LIMD1: variants seen among roughly 807,000 people sequenced by gnomAD.
LIMD1 encodes the protein LIM domain containing 1.
In LIMD1, 23 loss-of-function variants were observed where a neutral mutation model predicts 58.4. That is an observed-to-expected ratio of 0.39 (90% confidence interval 0.28 to 0.56). LIMD1 has a LOEUF of 0.56. Among genes scored for constraint, LIMD1 ranks in the 20% least tolerant of loss-of-function variants. LIMD1 has a pLI of 0.57. For missense variants in LIMD1, 838 were observed against 855.5 expected (o/e 0.98, Z 0.25); for synonymous variants, 334 against 345.5 (o/e 0.97, Z 0.37).
rs775846772 is a variant in LIMD1 at position 45,596,268 on chromosome 3, C to T, written c.1389C>T (p.His463=). 6.2e-7 allele frequency: 1 copy of T among 1,604,988 alleles called. No homozygotes were observed. Among genetic ancestry groups the T allele is most frequent in the Non-Finnish European group, 8.5e-7 (1 of 1,176,070 alleles). Residue 463 remains histidine, a synonymous_variant, in exon 1 of 8, where the codon CAC becomes CAT. Transcript: ENST00000273317. The part of the protein sequence containing the change: ...TQRLEREMDA[H]PKADYFGACV... ...GTCTGGAGCGAGAGATGGATGCTCA[C>T]CCGAAGGCTGATTACTTTGGTGAGT...
At chr3:45,602,082 G>A (rs1000640429) in intron 1 of LIMD1, among the ~76,000 whole-genome samples, 3 of 151,918 alleles carry the variant, frequency 2.0e-5, no homozygotes, top group African/African-American at 7.3e-5. Flanking sequence ...AGCTGGGACT[G>A]CAGGCGCCCG....
At chr3:45,638,393 C>T (rs1293670485) in intron 2 of LIMD1, among the ~76,000 whole-genome samples, 2 of 152,108 alleles carry the variant, frequency 1.3e-5, no homozygotes, top group Non-Finnish European at 2.9e-5. Context: ...GTCCTGTCAC[C>T]CACACAGTGA....
At chr3:45,610,274 C>A (rs1559514336) in intron 1 of LIMD1, among the ~76,000 whole-genome samples, 1 of 152,176 alleles carries the variant, frequency 6.6e-6, no homozygotes, top group African/African-American at 2.4e-5. Context: ...AGTGTCAGTG[C>A]CTTTAGCTGG....
chr3:45,624,439 G>A (rs373361710), intron 1 of LIMD1, among the ~76,000 whole-genome samples: 15 of 152,158 alleles, frequency 9.9e-5, no homozygotes, highest in Non-Finnish European at 2.1e-4. Flanking sequence ...CAGGCGCGGT[G>A]TCTCACGCCT....
chr3:45,629,470 AG>A (rs1210702642), intron 1 of LIMD1, among the ~76,000 whole-genome samples: 4 of 151,888 alleles, frequency 2.6e-5, no homozygotes, highest in African/African-American at 9.7e-5. Context: ...ATACAGAAGC[AG>A]GGAAGAGAAG....
At chr3:45,661,321 TGTGA>T (rs1697434428) in intron 2 of LIMD1, among the ~76,000 whole-genome samples, 1 of 152,224 alleles carries the variant, frequency 6.6e-6, no homozygotes, top group African/African-American at 2.4e-5. Flanking sequence ...TCATCATATA[TGTGA>T]GTGTGTTCAT....
intron 1 of LIMD1, among the ~76,000 whole-genome samples, chr3:45,621,297 A>G (rs957350030): frequency 5.9e-5 from 9 of 151,698 alleles, no homozygotes; most frequent in African/African-American, 1.7e-4. Context: ...TGGTGTGACC[A>G]TGGCTCACTG....
chr3:45,603,244 A>C (rs1020543510), intron 1 of LIMD1, among the ~76,000 whole-genome samples: 1 of 152,180 alleles, frequency 6.6e-6, no homozygotes, highest in Non-Finnish European at 1.5e-5. Flanking sequence ...CATTTTTCAC[A>C]TAAAAGGAAA....
intron 1 of LIMD1, among the ~76,000 whole-genome samples, chr3:45,620,960 T>C (rs1230182722): frequency 6.6e-6 from 1 of 152,238 alleles, no homozygotes; most frequent in Non-Finnish European, 1.5e-5. Context: ...TATGATGTAC[T>C]GAGGAGGGTA....
chr3:45,639,894 C>T (rs1559520436), intron 2 of LIMD1, among the ~76,000 whole-genome samples: 1 of 152,168 alleles, frequency 6.6e-6, no homozygotes, highest in Admixed American at 6.5e-5. Flanking sequence ...AAGTCCTGAC[C>T]TCAGGTGATC....
At chr3:45,612,014 G>A (rs1044190297) in intron 1 of LIMD1, among the ~76,000 whole-genome samples, 1 of 152,034 alleles carries the variant, frequency 6.6e-6, no homozygotes, top group Non-Finnish European at 1.5e-5. Flanking sequence ...AAAGGAGGTG[G>A]TGTTGAGGAA....
chr3:45,651,901 G>A (rs1701977779), intron 2 of LIMD1, among the ~76,000 whole-genome samples: 1 of 151,412 alleles, frequency 6.6e-6, no homozygotes, highest in Non-Finnish European at 1.5e-5. Context: ...CAAAGTGCTA[G>A]GATTATAGGC....
chr3:45,604,342 G>T lies in LIMD1; in HGVS notation c.1408+8055G>T, dbSNP rs139963897. Among the ~76,000 whole-genome samples the T allele has an allele frequency of 2.0e-5, 3 of 152,276 alleles. 1 individual carries two copies. In the South Asian group the frequency reaches 6.2e-4, roughly 32 times the overall value. On this transcript the variant is annotated intron_variant, in intron 1 of 7. Coordinates refer to ENST00000273317, the MANE Select transcript of LIMD1 (RefSeq NM_014240.3). ...TGACTACATCATGTGCCTCAGCCCC[G>T]TCCCTGCATGCCATCTCTCTCCACA...
chr3:45,623,150 T>A (rs1331926466), intron 1 of LIMD1, among the ~76,000 whole-genome samples: 1 of 152,204 alleles, frequency 6.6e-6, no homozygotes, highest in African/African-American at 2.4e-5. Flanking sequence ...TGCATGTGAC[T>A]CCTAGCAAGG....
chr3:45,636,530 G>GT (rs1428943065), intron 2 of LIMD1, among the ~76,000 whole-genome samples: 2 of 152,168 alleles, frequency 1.3e-5, no homozygotes, highest in Non-Finnish European at 2.9e-5. Flanking sequence ...TTTGAAATAT[G>GT]TAAGAAGAGG....
At chr3:45,608,088 A>T (rs1385035251) in intron 1 of LIMD1, among the ~76,000 whole-genome samples, 1 of 152,238 alleles carries the variant, frequency 6.6e-6, no homozygotes, top group Non-Finnish European at 1.5e-5. Context: ...GTTCCAGGGC[A>T]TTTGCTGACA....
At chr3:45,667,059 C>G (rs1697529968) in intron 3 of LIMD1, among the ~76,000 whole-genome samples, 1 of 152,200 alleles carries the variant, frequency 6.6e-6, no homozygotes, top group African/African-American at 2.4e-5. Flanking sequence ...GGCCGTGTAT[C>G]TCAGTGTTAG....
Position 45,594,992 on chromosome 3 carries a change from AC to A in LIMD1, c.117del (p.Glu40SerfsTer58). ...LFRVDKGAGN[N>X]PEFEETRRVF... ...CGAGTGGACAAGGGTGCAGGCAACA[AC>A]CCCGAGTTTGAGGAAACTCGCAGGG... On this transcript the variant is annotated frameshift_variant, in exon 1 of 8. Coordinates refer to ENST00000273317, the MANE Select transcript of LIMD1 (RefSeq NM_014240.3). LOFTEE classifies it high-confidence loss of function. The A allele has an allele frequency of 6.2e-7, 1 of 1,613,912 alleles. No individual in the cohort carries two copies. Among genetic ancestry groups the A allele is most frequent in the Non-Finnish European group, 8.5e-7 (1 of 1,180,022 alleles).
Position 45,595,538 on chromosome 3 carries a change from A to G in LIMD1, c.659A>G (p.Lys220Arg), listed in dbSNP as rs200049171. The change falls in exon 1 of 8, where the codon AAA (lysine) becomes AGA (arginine). Residue 220 changes from lysine (K) to arginine (R), a missense_variant. Physicochemically the swap from Lys to Arg is conservative, Grantham distance 26. This residue lies in a region of LIMD1 where 659 missense variants were observed against 639.8 expected (regional missense o/e 1.03). Coordinates refer to ENST00000273317, the MANE Select transcript of LIMD1 (RefSeq NM_014240.3). Reference sequence around the variant, plus strand: ...CCGGGGAGTGACCCACCACTGCCCAAACCCTGCGGGGACCATCCCCTAAAT... The same window carrying G: ...CCGGGGAGTGACCCACCACTGCCCAGACCCTGCGGGGACCATCCCCTAAAT... ...SSPGSDPPLPKPCGDHPLNHR... is the reference protein window; with the variant it reads ...SSPGSDPPLPRPCGDHPLNHR... 2.5e-6 allele frequency: 4 copies of G among 1,614,078 alleles called. No homozygotes were observed. The highest frequency in any genetic ancestry group is 2.2e-5 in the East Asian group (1 of 44,872).
Sources: allele counts gnomAD v4.1 joint callset (sites outside exome capture counted in the v4.1 genomes callset), GRCh38; gene constraint gnomAD v4.1.1; regional missense constraint gnomAD v4.1.1; transcripts MANE v1.5; gene names NCBI Gene and HGNC (gene_info 2026-07-23, HGNC 2026-07-21).